POU2F1: variants seen among roughly 807,000 people sequenced by gnomAD.
POU2F1 encodes the protein POU class 2 homeobox 1.
Under a neutral mutation model 84.9 loss-of-function variants are expected in POU2F1, and 16 were observed. The observed-to-expected ratio is 0.19, with a 90% confidence interval of 0.13 to 0.29. The LOEUF is 0.29. Ranked by LOEUF, POU2F1 falls within the 10% of genes least tolerant of loss-of-function variation. The probability of loss-of-function intolerance (pLI) is 1.00; values close to 1 mark genes in which losing one functional copy is unlikely to be tolerated. For missense variants in POU2F1, 738 were observed against 942.6 expected (o/e 0.78, Z 2.84); for synonymous variants, 368 against 368.3 (o/e 1.00, Z 0.01).
chr1:167,221,287 C>A (rs1200054477), intron 1 of POU2F1, among the ~76,000 whole-genome samples: 1 of 151,056 alleles, frequency 6.6e-6, no homozygotes, highest in East Asian at 2.0e-4. Context: ...CGCCTCCTCG[C>A]CGCCGTGCCC....
intron 1 of POU2F1, among the ~76,000 whole-genome samples, chr1:167,269,374 C>T (rs952838668): frequency 3.3e-5 from 5 of 152,110 alleles, no homozygotes; most frequent in African/African-American, 1.2e-4. Flanking sequence ...GTCAGGTTAG[C>T]AAGTCTATTG....
At chr1:167,275,030 GTATT>G (rs1343917373) in intron 1 of POU2F1, among the ~76,000 whole-genome samples, 2 of 120,804 alleles carry the variant, frequency 1.7e-5, no homozygotes, top group East Asian at 2.6e-4. Context: ...TCAAATAAAT[GTATT>G]TTTTTTTTTT....
rs1044368290 is a variant in POU2F1 at position 167,305,304 on chromosome 1, C to T, written c.62-27166C>T. On this transcript the variant is annotated intron_variant, in intron 1 of 15. Transcript: ENST00000367866. ...CCAGACTCACGTGATCATCCCACCT[C>T]GGCCTCCTTAGTAGCTGGTATTACA... 5.3e-5 allele frequency among the ~76,000 whole-genome samples: 8 copies of T among 152,022 alleles called. 1 individual carries two copies. The highest frequency in any genetic ancestry group is 1.0e-4 in the Non-Finnish European group (7 of 68,006).
chr1:167,267,688 C>T (rs1652072625), intron 1 of POU2F1, among the ~76,000 whole-genome samples: 1 of 119,436 alleles, frequency 8.4e-6, no homozygotes, highest in African/African-American at 3.1e-5. Context: ...GTTGCCCAGG[C>T]TGGAGTGCAG....
chr1:167,410,638 C>T (rs1649893647), intron 13 of POU2F1, among the ~76,000 whole-genome samples: 3 of 152,062 alleles, frequency 2.0e-5, no homozygotes, highest in South Asian at 2.1e-4. Context: ...GCCTCAGCCT[C>T]CTGAGTAGCT....
At chr1:167,267,226 G>GA (rs1052398709) in intron 1 of POU2F1, among the ~76,000 whole-genome samples, 151 of 142,696 alleles carry the variant, frequency 1.1e-3, no homozygotes, top group Middle Eastern at 3.5e-3. Context: ...CTGTAAAAAG[G>GA]AAAAAAAAAA....
chr1:167,370,230 G>A lies in POU2F1; in HGVS notation c.282+16G>A. On this transcript the variant is annotated intron_variant, in intron 4 of 15. Coordinates refer to ENST00000367866, the MANE Select transcript of POU2F1 (RefSeq NM_002697.4). ...AAATGTACAGGTAAGCTGGGACCTG[G>A]GATTATGGGTCAATCTTTTATTTAT... is the stretch of plus-strand genomic sequence containing the variant. 6.4e-7 allele frequency: 1 copy of A among 1,574,282 alleles called. No homozygotes were observed. The highest frequency in any genetic ancestry group is 8.7e-7 in the Non-Finnish European group (1 of 1,155,706).
chr1:167,295,329 C>T (rs751621938), intron 1 of POU2F1, among the ~76,000 whole-genome samples: 41 of 152,192 alleles, frequency 2.7e-4, no homozygotes, highest in South Asian at 1.7e-3. Context: ...ATGTATACAC[C>T]GTGGAATACT....
intron 1 of POU2F1, among the ~76,000 whole-genome samples, chr1:167,329,611 TATAAA>T (rs1176090128): frequency 2.0e-5 from 3 of 152,160 alleles, no homozygotes; most frequent in Non-Finnish European, 4.4e-5. Flanking sequence ...TTCATGTAGT[TATAAA>T]AACATCTTAA....
At chr1:167,282,488 TA>T in intron 1 of POU2F1, among the ~76,000 whole-genome samples, 1 of 152,342 alleles carries the variant, frequency 6.6e-6, no homozygotes, top group South Asian at 2.1e-4. Flanking sequence ...TTAAAACTCC[TA>T]AAACCACTCA....
chr1:167,311,270 A>G (rs1198136040), intron 1 of POU2F1, among the ~76,000 whole-genome samples: 1 of 152,178 alleles, frequency 6.6e-6, no homozygotes, highest in Non-Finnish European at 1.5e-5. Flanking sequence ...GGGAAAAACA[A>G]TTCCAGGGAT....
intron 9 of POU2F1, 44 bp from the exon 10 acceptor site, chr1:167,396,242 C>G (rs571459874): frequency 6.2e-7 from 1 of 1,606,070 alleles, no homozygotes; most frequent in Non-Finnish European, 8.5e-7. Context: ...GGTGAGATAA[C>G]TCTGTCTTTC....
chr1:167,303,067 C>G (rs1318650818), intron 1 of POU2F1, among the ~76,000 whole-genome samples: 2 of 151,706 alleles, frequency 1.3e-5, no homozygotes, highest in African/African-American at 2.4e-5. Flanking sequence ...TATCGTCTAT[C>G]TATGTATATA....
chr1:167,263,487 A>G (rs929590899), intron 1 of POU2F1, among the ~76,000 whole-genome samples: 2 of 151,880 alleles, frequency 1.3e-5, no homozygotes, highest in Non-Finnish European at 2.9e-5. Context: ...ATTGCACTCC[A>G]GCCTGGGCAA....
chr1:167,329,027 G>A, intron 1 of POU2F1: 2 of 1,128,616 alleles, frequency 1.8e-6, no homozygotes, highest in Non-Finnish European at 2.2e-6. Context: ...GTCAGTCCTA[G>A]CTGGTAGGAG....
At chr1:167,414,556 G>T in intron 15 of POU2F1, 1 of 985,398 alleles carries the variant, frequency 1.0e-6, no homozygotes, top group Non-Finnish European at 1.2e-6. Flanking sequence ...TAGGAATGTT[G>T]CCAGACAACA....
chr1:167,374,960 G>A (rs942932050), intron 6 of POU2F1, among the ~76,000 whole-genome samples: 4 of 152,056 alleles, frequency 2.6e-5, no homozygotes, highest in East Asian at 1.9e-4. Flanking sequence ...CCAGCTACGC[G>A]GGAGGTTGAG....
rs371592449 is a variant in POU2F1, at chr1:167,389,611, A to G, written c.837A>G (p.Ile279Met). 96 of 1,614,046 alleles carry G rather than the reference A, an allele frequency of 5.9e-5. 1 individual carries two copies. The highest frequency in any genetic ancestry group is 7.6e-5 in the Non-Finnish European group (90 of 1,180,024). Reference sequence around the variant, plus strand: ...AGCCAGCAACCCCAACACGCACAATAGCAGCAACCCCAATTCAGACACTTC... The same window carrying G: ...AGCCAGCAACCCCAACACGCACAATGGCAGCAACCCCAATTCAGACACTTC... ...TSQPATPTRT[I>M]AATPIQTLPQ... Residue 279 changes from isoleucine (I) to methionine (M), a missense_variant, in exon 9 of 16, where the codon ATA becomes ATG. Physicochemically the swap from Ile to Met is conservative, Grantham distance 10. This residue lies in a region of POU2F1 where 163 missense variants were observed against 214.4 expected (regional missense o/e 0.76). Transcript: ENST00000367866.
Position 167,400,045 on chromosome 1 carries a change from A to G in POU2F1, c.1449+680A>G, listed in dbSNP as rs150169251. On this transcript the variant is annotated intron_variant, in intron 12 of 15. Transcript: ENST00000367866. Reference sequence around the variant, plus strand: ...GTTGCCCAGGCTGGAGTGCAATGGTACGATTTCAGCTCACTGCAACCTCCG... The same window carrying G: ...GTTGCCCAGGCTGGAGTGCAATGGTGCGATTTCAGCTCACTGCAACCTCCG... Among the ~76,000 whole-genome samples the G allele has an allele frequency of 8.8e-3, 909 of 102,806 alleles. 8 individuals are homozygous for G. Among genetic ancestry groups the G allele is most frequent in the African/African-American group, 0.033 (864 of 26,166 alleles). 67.4% of individuals were successfully genotyped at this position (102,806 alleles called of 152,430 possible). A position where few individuals can be genotyped will look rare whatever the true frequency, so the allele number is the denominator to read the frequency against.
Sources: allele counts gnomAD v4.1 joint callset (sites outside exome capture counted in the v4.1 genomes callset), GRCh38; gene constraint gnomAD v4.1.1; regional missense constraint gnomAD v4.1.1; transcripts MANE v1.5; gene names NCBI Gene and HGNC (gene_info 2026-07-23, HGNC 2026-07-21).